The following MALRD1 variants were observed in gnomAD, a reference collection of about 807,000 sequenced individuals.
The protein encoded by MALRD1 is MAM and LDL-receptor class A domain-containing protein 1.
Under a neutral mutation model 242.1 loss-of-function variants are expected in MALRD1, and 247 were observed. The observed-to-expected ratio is 1.02, with a 90% CI of 0.92 to 1.13. The LOEUF (loss-of-function observed/expected upper bound fraction) is 1.13, where lower values mean the gene tolerates loss of function less well. Among genes scored for constraint, MALRD1 ranks in the 50% most tolerant of loss-of-function variants. The pLI is 0.00. For missense variants in MALRD1, 2,989 were observed against 2,533.1 expected, an observed-to-expected ratio of 1.18 and a Z score of -3.86; for synonymous variants, 995 against 866.6, an observed-to-expected ratio of 1.15 and a Z score of -2.60.
intron 2 of MALRD1, among the ~76,000 whole-genome samples, chr10:19,071,302 A>ATTT (rs11387302): frequency 7.5e-5 from 11 of 146,188 alleles, no homozygotes; most frequent in African/African-American, 2.7e-4. Context: ...GGGGGCACTC[A>ATTT]TTTTTTTTTT....
At chr10:19,138,831 T>G (rs1451077908) in intron 10 of MALRD1, among the ~76,000 whole-genome samples, 1 of 152,218 alleles carries the variant, frequency 6.6e-6, no homozygotes. Flanking sequence ...CGACATATTT[T>G]CTCATTTATT....
chr10:19,244,819 C>A (rs1468648489), intron 18 of MALRD1, among the ~76,000 whole-genome samples: 1 of 152,106 alleles, frequency 6.6e-6, no homozygotes, highest in African/African-American at 2.4e-5. Context: ...TAGACTAATT[C>A]TGTATTTGGT....
chr10:19,374,361 G>T (rs1845511536), intron 26 of MALRD1, among the ~76,000 whole-genome samples: 1 of 152,132 alleles, frequency 6.6e-6, no homozygotes, highest in South Asian at 2.1e-4. Flanking sequence ...AAAATTTTCA[G>T]TGTAATAGTT....
At position 19,638,930 on chromosome 10, in the gene MALRD1, T is replaced by C. The variant is rs1044614312; in HGVS notation, c.6137+23007T>C. The stretch of plus-strand genomic sequence containing the variant: ...TTTATTTTATGTTTTATTTTTGCAA[T>C]TGAAGCCTCATGAATACTAAGTTCT... On this transcript the variant is annotated intron_variant, in intron 36 of 39. Coordinates refer to ENST00000454679, the MANE Select transcript of MALRD1 (RefSeq NM_001142308.3). Among the ~76,000 whole-genome samples, 6 of 152,282 alleles carry C rather than the reference T, an allele frequency of 3.9e-5. No homozygotes were observed. In the East Asian group the frequency reaches 9.7e-4, roughly 25 times the overall value.
At chr10:19,476,348 C>G (rs1836729942) in intron 29 of MALRD1, among the ~76,000 whole-genome samples, 1 of 152,116 alleles carries the variant, frequency 6.6e-6, no homozygotes, top group African/African-American at 2.4e-5. Flanking sequence ...CCATATAATA[C>G]CATCTTGAGA....
chr10:19,068,133 T>G (rs1207707422), intron 2 of MALRD1, among the ~76,000 whole-genome samples: 1 of 152,068 alleles, frequency 6.6e-6, no homozygotes, highest in Non-Finnish European at 1.5e-5. Context: ...CCTTTGTTTC[T>G]TTATTTTTAC....
chr10:19,513,369 A>G (rs1833487207), intron 31 of MALRD1, among the ~76,000 whole-genome samples: 2 of 151,936 alleles, frequency 1.3e-5, no homozygotes, highest in Non-Finnish European at 1.5e-5. Flanking sequence ...CCAGAAGCCA[A>G]GCAGATACTG....
intron 1 of MALRD1, among the ~76,000 whole-genome samples, chr10:19,052,638 T>C (rs545875293): frequency 6.6e-6 from 1 of 151,938 alleles, no homozygotes; most frequent in South Asian, 2.1e-4. Context: ...CTTGATAGAG[T>C]AGATGTGAAG....
At chr10:19,682,213 G>A (rs906285025) in intron 36 of MALRD1, among the ~76,000 whole-genome samples, 1 of 152,114 alleles carries the variant, frequency 6.6e-6, no homozygotes, top group East Asian at 1.9e-4. Flanking sequence ...TAGAAAACGT[G>A]AGGTTCCTCA....
At chr10:19,607,064 A>G (rs1289916955) in intron 34 of MALRD1, among the ~76,000 whole-genome samples, 1 of 152,158 alleles carries the variant, frequency 6.6e-6, no homozygotes, top group Non-Finnish European at 1.5e-5. Flanking sequence ...CTTGATGGAC[A>G]TCAATAAGGA....
chr10:19,542,348 C>A (rs1589221071), intron 32 of MALRD1, among the ~76,000 whole-genome samples: 1 of 152,074 alleles, frequency 6.6e-6, no homozygotes, highest in African/African-American at 2.4e-5. Context: ...CTTACAGAGT[C>A]TGGGTTTAAT....
chr10:19,221,220 T>C (rs921159179), intron 18 of MALRD1, among the ~76,000 whole-genome samples: 5 of 152,156 alleles, frequency 3.3e-5, no homozygotes, highest in Non-Finnish European at 5.9e-5. Flanking sequence ...AGTAATAAAA[T>C]GTTTCTGAAG....
chr10:19,057,729 T>C (rs1264812737), intron 1 of MALRD1, among the ~76,000 whole-genome samples: 4 of 152,176 alleles, frequency 2.6e-5, no homozygotes, highest in Non-Finnish European at 4.4e-5. Flanking sequence ...AATTACATTC[T>C]AGTACAAAAT....
chr10:19,413,138 G>T (rs1320132924), intron 28 of MALRD1, among the ~76,000 whole-genome samples: 1 of 152,026 alleles, frequency 6.6e-6, no homozygotes, highest in Non-Finnish European at 1.5e-5. Context: ...AAAATATTTT[G>T]AAACAGTTAT....
intron 31 of MALRD1, among the ~76,000 whole-genome samples, chr10:19,500,895 A>G (rs1837937458): frequency 6.6e-6 from 1 of 152,234 alleles, no homozygotes; most frequent in Non-Finnish European, 1.5e-5. Flanking sequence ...TGAAACAGGC[A>G]TAAATCCCTG....
chr10:19,099,135 A>G (rs1449179373), intron 4 of MALRD1, among the ~76,000 whole-genome samples: 1 of 152,152 alleles, frequency 6.6e-6, no homozygotes, highest in Non-Finnish European at 1.5e-5. Context: ...CCTGGCCCCC[A>G]GGTAGCCTTT....
intron 36 of MALRD1, among the ~76,000 whole-genome samples, chr10:19,619,927 G>C (rs1272002577): frequency 6.6e-6 from 1 of 151,936 alleles, no homozygotes; most frequent in Non-Finnish European, 1.5e-5. Context: ...TGAGGCAGGA[G>C]GATTGATTGA....
chr10:19,520,161 G>A (rs746553956), intron 31 of MALRD1, among the ~76,000 whole-genome samples: 16 of 152,124 alleles, frequency 1.1e-4, no homozygotes, highest in Non-Finnish European at 2.1e-4. Context: ...CTACACAGAA[G>A]GCACTTGTTG....
At chr10:19,393,572 A>C (rs1035944256) in intron 28 of MALRD1, among the ~76,000 whole-genome samples, 1 of 150,032 alleles carries the variant, frequency 6.7e-6, no homozygotes, top group Non-Finnish European at 1.5e-5. Context: ...CAGCCTCCCA[A>C]GTAGCTGGGA....
Sources: allele counts gnomAD v4.1 joint callset (sites outside exome capture counted in the v4.1 genomes callset), GRCh38; gene constraint gnomAD v4.1.1; transcripts MANE v1.5; gene names NCBI Gene and HGNC (gene_info 2026-07-23, HGNC 2026-07-21).